Variants in TENM3 observed in about 807,000 individuals in gnomAD.
The protein encoded by TENM3 is teneurin transmembrane protein 3.
Under a neutral mutation model 255.1 loss-of-function variants are expected in TENM3, and 63 were observed. The ratio of observed to expected loss-of-function variants is 0.25; its 90% CI spans 0.20 to 0.30. TENM3 has a LOEUF of 0.30. Among genes scored for constraint, TENM3 ranks in the 10% least tolerant of loss-of-function variants. The pLI, the probability that TENM3 is intolerant of heterozygous loss-of-function variation, is 1.00. For missense variants in TENM3, 2,929 were observed against 3,461.1 expected (o/e 0.85, Z 3.86); for synonymous variants, 1,306 against 1,322.3 (o/e 0.99, Z 0.27).
At chr4:181,772,992 A>AC in the TENM3 span, among the ~76,000 whole-genome samples, 8 of 151,900 alleles carry the variant, frequency 5.3e-5, no homozygotes, top group East Asian at 3.9e-4. Flanking sequence ...GACATAGGGC[A>AC]CCCCCCCAAA....
the TENM3 span, among the ~76,000 whole-genome samples, chr4:181,712,084 A>G: frequency 6.6e-6 from 1 of 152,150 alleles, no homozygotes; most frequent in African/African-American, 2.4e-5. Flanking sequence ...TTCATTTATT[A>G]TCTCTTTCTC....
chr4:182,029,749 G>A, the TENM3 span, among the ~76,000 whole-genome samples: 1 of 151,970 alleles, frequency 6.6e-6, no homozygotes, highest in African/African-American at 2.4e-5. Context: ...TATTATCCTT[G>A]TATTCATATG....
At chr4:182,740,769 C>T (rs1231888815) in intron 18 of TENM3, among the ~76,000 whole-genome samples, 1 of 152,158 alleles carries the variant, frequency 6.6e-6, no homozygotes, top group African/African-American at 2.4e-5. Flanking sequence ...AATATAAATA[C>T]ACACATATTC....
chr4:181,898,780 C>G, the TENM3 span, among the ~76,000 whole-genome samples: 2 of 152,088 alleles, frequency 1.3e-5, no homozygotes, highest in Non-Finnish European at 2.9e-5. Flanking sequence ...CCCAAACTTT[C>G]TGCTTGTAAT....
chr4:181,974,816 G>T, the TENM3 span, among the ~76,000 whole-genome samples: 2 of 152,180 alleles, frequency 1.3e-5, no homozygotes, highest in Non-Finnish European at 2.9e-5. Context: ...AGGTAGATGT[G>T]CTTGTTTGTT....
chr4:181,801,213 T>G, the TENM3 span, among the ~76,000 whole-genome samples: 1 of 143,416 alleles, frequency 7.0e-6, no homozygotes, highest in Non-Finnish European at 1.5e-5. Context: ...TTTTGTGGAC[T>G]TTTGGGAAGC....
chr4:181,510,181 A>G, the TENM3 span, among the ~76,000 whole-genome samples: 1 of 152,218 alleles, frequency 6.6e-6, no homozygotes, highest in South Asian at 2.1e-4. Context: ...GAAAAGTTAG[A>G]CCATATTTAT....
the TENM3 span, among the ~76,000 whole-genome samples, chr4:181,515,912 A>G: frequency 0.21 from 31,844 of 152,142 alleles, 4,182 homozygotes; most frequent in Non-Finnish European, 0.3. Flanking sequence ...TCACTGCAGC[A>G]CTCTTCACAA....
the TENM3 span, among the ~76,000 whole-genome samples, chr4:181,677,458 T>C: frequency 2.0e-5 from 3 of 152,160 alleles, no homozygotes; most frequent in Non-Finnish European, 2.9e-5. Context: ...CTTCACATTG[T>C]CTAGTCTGCT....
At chr4:181,853,388 A>G in the TENM3 span, among the ~76,000 whole-genome samples, 2 of 152,246 alleles carry the variant, frequency 1.3e-5, no homozygotes, top group South Asian at 2.1e-4. Context: ...TCTCAAAACT[A>G]TATTGGGTTA....
At chr4:182,028,309 G>T in the TENM3 span, among the ~76,000 whole-genome samples, 1 of 152,088 alleles carries the variant, frequency 6.6e-6, no homozygotes, top group Non-Finnish European at 1.5e-5. Context: ...GAAATCAGTT[G>T]TAATGTCTCC....
At position 182,653,849 on chromosome 4, in the gene TENM3, A is replaced by G; in HGVS notation, c.1067A>G (p.Asp356Gly). 6.2e-7 allele frequency: 1 copy of G among 1,613,416 alleles called. No homozygotes were observed. Among genetic ancestry groups the G allele is most frequent in the Non-Finnish European group, 8.5e-7 (1 of 1,179,572 alleles). The change falls in exon 6 of 28, where the codon GAT (aspartate) becomes GGT (glycine). Residue 356 changes from aspartate to glycine, a missense_variant. By Grantham distance (94) the Asp-to-Gly change is moderately conservative. Coordinates refer to ENST00000511685, the MANE Select transcript of TENM3 (RefSeq NM_001080477.4). ...DTFENGKVNS[D>G]TMPTNTVSLP... Reference sequence around the variant, plus strand: ...TTTGAGAATGGAAAAGTGAATTCTGATACCATGCCAACAAACACTGTGTCA... The same window carrying G: ...TTTGAGAATGGAAAAGTGAATTCTGGTACCATGCCAACAAACACTGTGTCA...
chr4:181,612,821 A>G, the TENM3 span, among the ~76,000 whole-genome samples: 1 of 152,192 alleles, frequency 6.6e-6, no homozygotes, highest in Non-Finnish European at 1.5e-5. Context: ...AAAGTTTTCT[A>G]AATATTATGT....
chr4:182,505,255 G>A (rs1736696999), intron 3 of TENM3, among the ~76,000 whole-genome samples: 1 of 151,914 alleles, frequency 6.6e-6, no homozygotes, highest in Non-Finnish European at 1.5e-5. Flanking sequence ...TCCAAATAAT[G>A]TTTATTTCCC....
chr4:182,004,349 AG>A, the TENM3 span, among the ~76,000 whole-genome samples: 1 of 152,150 alleles, frequency 6.6e-6, no homozygotes, highest in South Asian at 2.1e-4. Context: ...TAGTTTGCTG[AG>A]GATGATGGCT....
chr4:182,161,613 G>GTGTA (rs1554023460), intron 1 of TENM3, among the ~76,000 whole-genome samples: 1 of 100,062 alleles, frequency 1.0e-5, no homozygotes, highest in South Asian at 3.9e-4. Context: ...ATATATATAT[G>GTGTA]TATATATATA....
At chr4:181,455,356 G>T in the TENM3 span, among the ~76,000 whole-genome samples, 1 of 151,962 alleles carries the variant, frequency 6.6e-6, no homozygotes, top group African/African-American at 2.4e-5. Flanking sequence ...AATATTTCTA[G>T]GTTCTAACAT....
chr4:182,179,905 T>C (rs1332195836), intron 1 of TENM3, among the ~76,000 whole-genome samples: 1 of 152,176 alleles, frequency 6.6e-6, no homozygotes, highest in African/African-American at 2.4e-5. Context: ...ACCTTTGTCA[T>C]TTTTTCAGAC....
the TENM3 span, among the ~76,000 whole-genome samples, chr4:181,582,101 T>C: frequency 5.3e-5 from 8 of 152,190 alleles, no homozygotes; most frequent in Admixed American, 3.9e-4. Context: ...TAAGCACATA[T>C]GTTTGCTTTC....
Sources: allele counts gnomAD v4.1 joint callset (sites outside exome capture counted in the v4.1 genomes callset), GRCh38; gene constraint gnomAD v4.1.1; transcripts MANE v1.5; gene names NCBI Gene and HGNC (gene_info 2026-07-23, HGNC 2026-07-21).